The following COL15A1 variants were observed in gnomAD, a reference collection of about 807,000 sequenced individuals.
COL15A1 encodes collagen type XV alpha 1 chain.
COL15A1 carries 111 observed loss-of-function variants against 165.9 expected under a neutral mutation model. The observed-to-expected ratio is 0.67, with a 90% CI of 0.57 to 0.78. The LOEUF (loss-of-function observed/expected upper bound fraction) is 0.78, where lower values mean the gene tolerates loss of function less well. Among genes scored for constraint, COL15A1 ranks in the 30% least tolerant of loss-of-function variants. The probability of loss-of-function intolerance (pLI) is 0.00; values close to 1 mark genes in which losing one functional copy is unlikely to be tolerated. For synonymous variants in COL15A1, 659 were observed against 674.8 expected, an observed-to-expected ratio of 0.98 and a Z score of 0.36; for missense variants, 1,745 against 1,789.7, an observed-to-expected ratio of 0.98 and a Z score of 0.45.
Position 99,004,973 on chromosome 9 carries a change from G to C in COL15A1, c.1276G>C (p.Val426Leu), listed in dbSNP as rs905281294. The change falls in exon 9 of 42, where the codon GTG becomes CTG. Residue 426 changes from valine (V) to leucine (L), a missense_variant. Physicochemically the swap from Val to Leu is conservative, Grantham distance 32. Transcript: ENST00000375001. ...GGCACTCGCCAGCATGCCTGGGGAA[G>C]TGGAGGCCAGTGGTGTGGCCCCCGG... is the stretch of plus-strand genomic sequence containing the variant. ...AEALASMPGE[V>L]EASGVAPGEL... 4 of 1,613,964 alleles carry C rather than the reference G, an allele frequency of 2.5e-6. No homozygotes were observed. The highest frequency in any genetic ancestry group is 1.3e-5 in the African/African-American group (1 of 74,934).
At chr9:98,959,244 A>AAAC (rs2118791009) in intron 2 of COL15A1, among the ~76,000 whole-genome samples, 1 of 151,448 alleles carries the variant, frequency 6.6e-6, no homozygotes, top group South Asian at 2.1e-4. Flanking sequence ...AAAAAAAAAA[A>AAAC]AAACTAAAAA....
intron 2 of COL15A1, among the ~76,000 whole-genome samples, chr9:98,969,590 C>G (rs1838013127): frequency 6.6e-6 from 1 of 152,204 alleles, no homozygotes; most frequent in African/African-American, 2.4e-5. Flanking sequence ...CAGAGCCCCG[C>G]TCCTGGTAGC....
Position 99,049,713 on chromosome 9 carries a change from T to G in COL15A1, c.2817T>G (p.Pro939=). Residue 939 remains proline (P), a synonymous_variant, in exon 29 of 42, where the codon CCT becomes CCG. Transcript: ENST00000375001. ...IMQGPPGLPG[P]PGPPGPPGAV... is the part of the protein sequence containing the mutation. The stretch of plus-strand genomic sequence containing the variant: ...AGGGCCCACCTGGCTTACCTGGCCC[T>G]CCAGGCCCCCCTGGGCCACCTGGAG... 6.2e-7 allele frequency: 1 copy of G among 1,613,808 alleles called. No homozygotes were observed. Among genetic ancestry groups the G allele is most frequent in the Non-Finnish European group, 8.5e-7 (1 of 1,180,014 alleles).
intron 5 of COL15A1, among the ~76,000 whole-genome samples, chr9:98,995,705 C>T (rs1838530783): frequency 6.6e-6 from 1 of 152,178 alleles, no homozygotes; most frequent in Admixed American, 6.5e-5. Context: ...TTTTACAGTA[C>T]AATAGAATCC....
chr9:98,996,465 T>C (rs1424908771), intron 5 of COL15A1, among the ~76,000 whole-genome samples: 2 of 152,270 alleles, frequency 1.3e-5, no homozygotes, highest in Non-Finnish European at 2.9e-5. Flanking sequence ...AAAAGCTATA[T>C]AGATGCTGAA....
rs201243024 is a variant in COL15A1 at position 99,042,118 on chromosome 9, C to G, written c.2574+11C>G. On this transcript the variant is annotated intron_variant, in intron 24 of 41. Transcript: ENST00000375001. ...CTAAAAGGAGAACAGGTAAGAGGGG[C>G]CCAGGTATCTGAGTGAGATTGGGCG... is the stretch of plus-strand genomic sequence containing the variant. 8 of 1,601,284 alleles carry G rather than the reference C, an allele frequency of 5.0e-6. No individual in the cohort carries two copies. The highest frequency in any genetic ancestry group is 1.7e-5 in the Admixed American group (1 of 58,528).
intron 9 of COL15A1, among the ~76,000 whole-genome samples, chr9:99,007,498 G>A (rs1320384566): frequency 6.6e-6 from 1 of 152,162 alleles, no homozygotes; most frequent in Non-Finnish European, 1.5e-5. Context: ...TCATGGCTAG[G>A]AGGGTTTATT....
chr9:99,055,412 T>A (rs1825707863), intron 34 of COL15A1, 40 bp downstream of exon 34: 26 of 1,292,450 alleles, frequency 2.0e-5, no homozygotes, highest in Non-Finnish European at 2.9e-5. Flanking sequence ...CCCAAAGACT[T>A]ACAGCTTTCC....
At chr9:99,026,145 T>C (rs1435481532) in intron 16 of COL15A1, among the ~76,000 whole-genome samples, 179 bp downstream of exon 16, 1 of 152,168 alleles carries the variant, frequency 6.6e-6, no homozygotes, top group Non-Finnish European at 1.5e-5. Context: ...AAGCCTGAAC[T>C]CAGCACCTTC....
At chr9:99,055,880 A>T (rs1346356881) in intron 34 of COL15A1, among the ~76,000 whole-genome samples, 7 of 152,226 alleles carry the variant, frequency 4.6e-5, no homozygotes, top group Non-Finnish European at 8.8e-5. Context: ...GCTCACTGTG[A>T]GGGTAGAACC....
At chr9:99,052,272 G>T in intron 30 of COL15A1, 116 bp from the exon 31 acceptor site, 1 of 785,190 alleles carries the variant, frequency 1.3e-6, no homozygotes, top group South Asian at 1.4e-5. Context: ...CCAAAGGAAG[G>T]CCTGACTCTG....
intron 26 of COL15A1, among the ~76,000 whole-genome samples, chr9:99,046,022 A>G (rs1490877707): frequency 9.9e-5 from 15 of 152,246 alleles, no homozygotes; most frequent in Admixed American, 9.8e-4. Context: ...CAGGTAGCTA[A>G]GACAGACTGA....
intron 2 of COL15A1, among the ~76,000 whole-genome samples, chr9:98,981,954 T>A (rs941224913): frequency 5.3e-5 from 8 of 152,072 alleles, no homozygotes; most frequent in African/African-American, 1.9e-4. Context: ...AGGCACGCAC[T>A]ACCACATTCT....
rs181253489 is a variant in COL15A1 at position 99,041,958 on chromosome 9, C to T, written c.2512-87C>T. The T allele has an allele frequency of 1.1e-3, 915 of 865,976 alleles. 7 individuals are homozygous for T. The highest frequency in any genetic ancestry group is 1.7e-4 in the Non-Finnish European group (90 of 532,750). The allele number at this position is 865,976 out of a possible 1,614,324, so 53.6% of individuals were successfully genotyped here. A position where few individuals can be genotyped will look rare whatever the true frequency, so the allele number is the denominator to read the frequency against. On this transcript the variant is annotated intron_variant, in intron 23 of 41. Coordinates refer to ENST00000375001, the MANE Select transcript of COL15A1 (RefSeq NM_001855.5). ...TACCTGGGGGATGGCAGTGTGTATT[C>T]TACTGTTGAGAAAAAATATATTTCT...
intron 2 of COL15A1, 30 bp downstream of exon 2, chr9:98,944,280 G>A: frequency 6.2e-7 from 1 of 1,602,104 alleles, no homozygotes; most frequent in Non-Finnish European, 8.5e-7. Flanking sequence ...GGTGGCACCG[G>A]CTGCCTCCGC....
chr9:98,991,001 G>C (rs144183068), intron 5 of COL15A1, among the ~76,000 whole-genome samples: 373 of 152,164 alleles, frequency 2.5e-3, no homozygotes, highest in African/African-American at 8.6e-3. Context: ...AGACCTTCGC[G>C]GTGAGTGTTA....
At chr9:99,021,640 T>A (rs566653151) in intron 12 of COL15A1, among the ~76,000 whole-genome samples, 1 of 152,332 alleles carries the variant, frequency 6.6e-6, no homozygotes, top group South Asian at 2.1e-4. Flanking sequence ...GCACTGTGCC[T>A]GCCCTTGAGG....
intron 2 of COL15A1, among the ~76,000 whole-genome samples, chr9:98,960,589 G>A (rs1369664444): frequency 1.3e-5 from 2 of 152,158 alleles, no homozygotes; most frequent in African/African-American, 4.8e-5. Flanking sequence ...AGCTTGGAGG[G>A]CAAGTGCTGA....
chr9:99,056,512 C>G (rs905282582), intron 35 of COL15A1, 108 bp downstream of exon 35: 31 of 1,435,798 alleles, frequency 2.2e-5, no homozygotes, highest in Non-Finnish European at 2.8e-5. Context: ...GAGGGCTTTC[C>G]TGGATACCGC....
Sources: allele counts gnomAD v4.1 joint callset (sites outside exome capture counted in the v4.1 genomes callset), GRCh38; gene constraint gnomAD v4.1.1; transcripts MANE v1.5; gene names NCBI Gene and HGNC (gene_info 2026-07-23, HGNC 2026-07-21).